Variants in RGS6 observed in about 807,000 individuals in gnomAD.
RGS6 encodes the protein regulator of G-protein signaling 6.
A neutral mutation model predicts 78.5 loss-of-function variants in RGS6; 30 were observed. That is an observed-to-expected ratio of 0.38 (90% CI 0.29 to 0.52). The LOEUF (loss-of-function observed/expected upper bound fraction) is 0.52. Among genes scored for constraint, RGS6 ranks in the 20% least tolerant of loss-of-function variants. The pLI is 0.85. For missense variants in RGS6, 495 were observed against 609.7 expected, an observed-to-expected ratio of 0.81 and a Z score of 1.98; for synonymous variants, 206 against 206.0, an observed-to-expected ratio of 1.00 and a Z score of 0.00.
intron 2 of RGS6, among the ~76,000 whole-genome samples, chr14:72,302,950 CCTGTACGTG>C (rs1244138696): frequency 6.6e-6 from 1 of 152,214 alleles, no homozygotes; most frequent in Non-Finnish European, 1.5e-5. Context: ...GGGCTGTTCC[CCTGTACGTG>C]CTCTCTTCCC....
At chr14:72,257,891 T>G (rs2057389875) in intron 2 of RGS6, among the ~76,000 whole-genome samples, 1 of 152,200 alleles carries the variant, frequency 6.6e-6, no homozygotes, top group Non-Finnish European at 1.5e-5. Flanking sequence ...CTTAAACAAG[T>G]TTAAAAACCA....
At chr14:72,087,681 TG>T (rs1389673217) in intron 2 of RGS6, among the ~76,000 whole-genome samples, 1 of 152,004 alleles carries the variant, frequency 6.6e-6, no homozygotes, top group Non-Finnish European at 1.5e-5. Flanking sequence ...TGGTTATAGT[TG>T]GGGTGAGGTG....
At chr14:72,574,093 C>T in the RGS6 span, among the ~76,000 whole-genome samples, 1 of 152,242 alleles carries the variant, frequency 6.6e-6, no homozygotes, top group African/African-American at 2.4e-5. Context: ...AATACCCACA[C>T]ACACATACAA....
intron 2 of RGS6, among the ~76,000 whole-genome samples, chr14:72,257,075 C>T (rs2057236314): frequency 6.6e-6 from 1 of 152,196 alleles, no homozygotes; most frequent in Non-Finnish European, 1.5e-5. Context: ...TTAGAAGTTG[C>T]TGTGAAAACC....
chr14:72,122,126 C>A (rs545887177), intron 2 of RGS6, among the ~76,000 whole-genome samples: 9 of 152,294 alleles, frequency 5.9e-5, no homozygotes, highest in Admixed American at 2.6e-4. Flanking sequence ...TCAACCACAT[C>A]CTCAAGGCTG....
At chr14:72,491,534 G>T (rs2096578061) in intron 12 of RGS6, among the ~76,000 whole-genome samples, 1 of 152,136 alleles carries the variant, frequency 6.6e-6, no homozygotes, top group Admixed American at 6.5e-5. Flanking sequence ...CAACACATTT[G>T]TCCAAGATAC....
intron 2 of RGS6, among the ~76,000 whole-genome samples, chr14:72,128,198 G>T (rs925773137): frequency 6.6e-6 from 1 of 152,174 alleles, no homozygotes; most frequent in Admixed American, 6.5e-5. Flanking sequence ...TAAAGAGTTA[G>T]AGTCACTTAG....
intron 2 of RGS6, among the ~76,000 whole-genome samples, chr14:72,203,374 A>G (rs116147824): frequency 5.9e-4 from 90 of 152,346 alleles, no homozygotes; most frequent in African/African-American, 2.1e-3. Context: ...GCTGTTAGTT[A>G]TCTATCGCTG....
the RGS6 span, among the ~76,000 whole-genome samples, chr14:71,884,177 C>T: frequency 1.3e-5 from 2 of 152,186 alleles, no homozygotes; most frequent in Non-Finnish European, 2.9e-5. Flanking sequence ...CTCCCAGTGT[C>T]GTTGTGTTGT....
chr14:72,533,467 T>A (rs2097207720), intron 15 of RGS6, among the ~76,000 whole-genome samples: 1 of 152,228 alleles, frequency 6.6e-6, no homozygotes, highest in African/African-American at 2.4e-5. Flanking sequence ...CAAGAAGTAA[T>A]TTCAACTTTT....
chr14:72,470,174 C>T (rs980280676), intron 8 of RGS6, 91 bp downstream of exon 8: 1 of 936,592 alleles, frequency 1.1e-6, no homozygotes, highest in Non-Finnish European at 1.7e-6. Flanking sequence ...GTGAAGTTTC[C>T]AGATGGCGTT....
At chr14:72,524,167 C>G (rs1024199260) in intron 15 of RGS6, among the ~76,000 whole-genome samples, 1 of 152,226 alleles carries the variant, frequency 6.6e-6, no homozygotes, top group Non-Finnish European at 1.5e-5. Context: ...AAAAGAAATT[C>G]TCTCAAAATA....
intron 2 of RGS6, among the ~76,000 whole-genome samples, chr14:72,260,614 C>G (rs1011163437): frequency 4.6e-5 from 7 of 152,108 alleles, no homozygotes; most frequent in African/African-American, 7.2e-5. Flanking sequence ...TGCTCTTACC[C>G]TTTCCCCAAG....
At chr14:72,352,006 A>G (rs957308162) in intron 2 of RGS6, 89 bp from the exon 3 acceptor site, 12 of 888,022 alleles carry the variant, frequency 1.4e-5, no homozygotes, top group African/African-American at 3.4e-5. Flanking sequence ...GTTGACATCC[A>G]TGTTTATACA....
chr14:72,365,918 A>G (rs1291340377), intron 3 of RGS6, among the ~76,000 whole-genome samples: 1 of 152,112 alleles, frequency 6.6e-6, no homozygotes, highest in Non-Finnish European at 1.5e-5. Flanking sequence ...GAGGTTTTGA[A>G]GGGTTATTTG....
chr14:72,508,699 AT>A (rs944242308), intron 13 of RGS6, among the ~76,000 whole-genome samples: 11 of 147,310 alleles, frequency 7.5e-5, no homozygotes, highest in African/African-American at 2.8e-4. Context: ...ATATGCATCT[AT>A]TTTTTAAAAG....
intron 12 of RGS6, among the ~76,000 whole-genome samples, chr14:72,482,569 C>T (rs751620767): frequency 6.6e-6 from 1 of 152,240 alleles, no homozygotes; most frequent in Non-Finnish European, 1.5e-5. Context: ...GGCGAGGCAG[C>T]TCTGCTGATC....
chr14:72,569,390 C>T (rs570410000), downstream of RGS6, among the ~76,000 whole-genome samples: 1 of 152,162 alleles, frequency 6.6e-6, no homozygotes, highest in African/African-American at 2.4e-5. Context: ...TTTAGAAAGC[C>T]ACATACAAGC....
At chr14:72,292,308 G>T (rs1470427619) in intron 2 of RGS6, among the ~76,000 whole-genome samples, 1 of 152,174 alleles carries the variant, frequency 6.6e-6, no homozygotes, top group Non-Finnish European at 1.5e-5. Flanking sequence ...TGTATCTGGT[G>T]TATCACAACG....
Sources: gnomAD v4.1 joint callset for allele counts (sites outside exome capture counted in the v4.1 genomes callset) on GRCh38, gnomAD v4.1.1 for gene constraint, MANE v1.5 for transcripts, NCBI Gene and HGNC (gene_info 2026-07-23, HGNC 2026-07-21) for gene names.